The following PCDHA5 variants were observed in gnomAD, a reference collection of about 807,000 sequenced individuals.
PCDHA5 encodes protocadherin alpha-5.
In PCDHA5, 43 loss-of-function variants were observed where a neutral mutation model predicts 61.6. The observed-to-expected ratio is 0.70, with a 90% CI of 0.55 to 0.90. PCDHA5 has a LOEUF of 0.90. PCDHA5 is among the 40% of genes least tolerant of loss of function. PCDHA5 has a pLI of 0.00. For missense variants in PCDHA5, 1,298 were observed against 1,222.7 expected, an observed-to-expected ratio of 1.06 and a Z score of -0.92; for synonymous variants, 627 against 543.9, an observed-to-expected ratio of 1.15 and a Z score of -2.13.
At chr5:140,829,218 A>G in intron 1 of PCDHA5, 1 of 1,614,180 alleles carries the variant, frequency 6.2e-7, no homozygotes, top group Non-Finnish European at 8.5e-7. Context: ...AGCGTGAACG[A>G]CCTCGATTCA....
intron 1 of PCDHA5, chr5:140,870,796 C>A (rs1581985922): frequency 6.2e-7 from 1 of 1,613,576 alleles, no homozygotes; most frequent in South Asian, 1.1e-5. Context: ...GCCGGCACTG[C>A]TGGCGACTCA....
At position 140,836,615 on chromosome 5, in the gene PCDHA5, G is replaced by A. The variant is rs2150265724; in HGVS notation, c.2352+12488G>A. On this transcript the variant is annotated intron_variant, in intron 1 of 3. Coordinates refer to ENST00000529859, the MANE Select transcript of PCDHA5 (RefSeq NM_018908.3). Reference sequence around the variant, plus strand: ...AGCCCACTCTGGTGTGCTCCAGCGCGGTGGGGAGCTGGTCATTCTCCCAGC... The same window carrying A: ...AGCCCACTCTGGTGTGCTCCAGCGCAGTGGGGAGCTGGTCATTCTCCCAGC... 925 of 1,613,634 alleles carry A rather than the reference G, an allele frequency of 5.7e-4. 10 individuals carry two copies. The African/African-American group carries it at 0.011, about 19-fold the overall frequency.
rs782531082 is a variant in PCDHA5 at position 140,877,160 on chromosome 5, C to T, written c.2352+53033C>T. The T allele has an allele frequency of 4.0e-5, 64 of 1,613,696 alleles. 1 individual carries two copies. In the Admixed American group the frequency reaches 1.0e-3, roughly 26 times the overall value. The stretch of plus-strand genomic sequence containing the variant: ...GTGCTGGACGAGAACGACAACGCGC[C>T]GGCACTGCTGGCGACTCCGGCTGGC... On this transcript the variant is annotated intron_variant, in intron 1 of 3. Transcript: ENST00000529859.
rs577022008 is a variant in PCDHA5, at chr5:140,921,827, C to T, written c.2353-57122C>T. Among the ~76,000 whole-genome samples, 6 of 151,924 alleles carry T rather than the reference C, an allele frequency of 3.9e-5. No homozygotes were observed. In the South Asian group the frequency reaches 1.2e-3, roughly 32 times the overall value. On this transcript the variant is annotated intron_variant, in intron 1 of 3. Coordinates refer to ENST00000529859, the MANE Select transcript of PCDHA5 (RefSeq NM_018908.3). Reference sequence around the variant, plus strand: ...TAAGATACATGTGTGAATATCTATACACATATAGACATATTTATAGATGTG... The same window carrying T: ...TAAGATACATGTGTGAATATCTATATACATATAGACATATTTATAGATGTG...
At chr5:140,945,838 G>A (rs1415502139) in intron 1 of PCDHA5, among the ~76,000 whole-genome samples, 2 of 151,896 alleles carry the variant, frequency 1.3e-5, no homozygotes, top group African/African-American at 4.8e-5. Context: ...AACTCAAAAT[G>A]GATTAAAGAC....
At chr5:140,927,318 C>T (rs149532133) in intron 1 of PCDHA5, 18,448 of 1,614,194 alleles carry the variant, frequency 0.011, 218 homozygotes, top group South Asian at 0.039. Flanking sequence ...CCGGAGCCCG[C>T]TTTACTCTCC....
chr5:140,984,656 G>A (rs1465387950), intron 3 of PCDHA5, among the ~76,000 whole-genome samples: 2 of 152,082 alleles, frequency 1.3e-5, no homozygotes, highest in Non-Finnish European at 2.9e-5. Context: ...TGTCCTTCTG[G>A]TACTTTTAGG....
At chr5:141,006,741 A>G (rs1275777013) in intron 3 of PCDHA5, among the ~76,000 whole-genome samples, 2 of 152,208 alleles carry the variant, frequency 1.3e-5, no homozygotes, top group Non-Finnish European at 2.9e-5. Flanking sequence ...TTGATGATGT[A>G]TTATAAATGG....
chr5:140,971,787 A>G (rs1554233619), intron 1 of PCDHA5, among the ~76,000 whole-genome samples: 5 of 152,124 alleles, frequency 3.3e-5, no homozygotes, highest in Admixed American at 1.3e-4. Context: ...AGATTATTCA[A>G]TATATTGAAT....
chr5:140,928,622 G>C, intron 1 of PCDHA5: 1 of 1,614,226 alleles, frequency 6.2e-7, no homozygotes, highest in South Asian at 1.1e-5. Flanking sequence ...GCCAGGACTG[G>C]ACACTTGGTC....
chr5:140,969,372 T>G, intron 1 of PCDHA5: 1 of 1,606,704 alleles, frequency 6.2e-7, no homozygotes, highest in Non-Finnish European at 8.5e-7. Context: ...ACTCATGCAT[T>G]TGTTACACAT....
At chr5:140,857,787 T>C in intron 1 of PCDHA5, 1 of 1,597,564 alleles carries the variant, frequency 6.3e-7, no homozygotes, top group Non-Finnish European at 8.6e-7. Flanking sequence ...AGTGAGCTGG[T>C]GCTGCGGTCG....
chr5:140,971,922 G>A (rs1433994919), intron 1 of PCDHA5, among the ~76,000 whole-genome samples: 1 of 152,120 alleles, frequency 6.6e-6, no homozygotes, highest in Admixed American at 6.5e-5. Context: ...CACACTGCTA[G>A]TGTTATTTTA....
intron 1 of PCDHA5, chr5:140,829,411 C>A: frequency 6.2e-7 from 1 of 1,614,148 alleles, no homozygotes; most frequent in Non-Finnish European, 8.5e-7. Flanking sequence ...CCACCGCCAG[C>A]TTGTCTGTGG....
chr5:140,950,896 A>G (rs1023778505), intron 1 of PCDHA5, among the ~76,000 whole-genome samples: 1 of 151,834 alleles, frequency 6.6e-6, no homozygotes, highest in Non-Finnish European at 1.5e-5. Context: ...TCTGAGATTT[A>G]TTTTATTTTT....
At chr5:140,870,606 C>T (rs781958673) in intron 1 of PCDHA5, 24 of 1,613,142 alleles carry the variant, frequency 1.5e-5, no homozygotes, top group Non-Finnish European at 3.4e-6. Flanking sequence ...TGGGCGACCG[C>T]GCGCTGTCGA....
At chr5:140,924,987 TC>T (rs1458982480) in intron 1 of PCDHA5, among the ~76,000 whole-genome samples, 4 of 151,232 alleles carry the variant, frequency 2.6e-5, no homozygotes, top group Admixed American at 6.6e-5. Context: ...ATGTCTGTAA[TC>T]CTAGCACTTT....
chr5:140,883,852 G>A (rs1554180292), intron 1 of PCDHA5: 1 of 1,612,972 alleles, frequency 6.2e-7, no homozygotes. Flanking sequence ...ACGAGGAGCT[G>A]GAGCTGTTGC....
At chr5:140,990,109 T>C (rs2097374572) in intron 3 of PCDHA5, among the ~76,000 whole-genome samples, 1 of 151,886 alleles carries the variant, frequency 6.6e-6, no homozygotes, top group African/African-American at 2.4e-5. Context: ...AAACAGGAAA[T>C]TGAGAGCTCT....
Sources: allele counts gnomAD v4.1 joint callset (sites outside exome capture counted in the v4.1 genomes callset), GRCh38; gene constraint gnomAD v4.1.1; transcripts MANE v1.5; gene names NCBI Gene and HGNC (gene_info 2026-07-23, HGNC 2026-07-21).